ZP4: variants seen among roughly 807,000 people sequenced by gnomAD.
The protein encoded by ZP4 is zona pellucida sperm-binding protein 4.
ZP4 carries 62 observed loss-of-function variants against 62.3 expected under a neutral mutation model. That is an observed-to-expected ratio of 0.99 (90% CI 0.81 to 1.23). The LOEUF is 1.23. Among genes scored for constraint, ZP4 ranks in the 50% most tolerant of loss-of-function variants. The probability of loss-of-function intolerance (pLI) is 0.00; values close to 1 mark genes in which losing one functional copy is unlikely to be tolerated. For synonymous variants in ZP4, 289 were observed against 247.3 expected (o/e 1.17, Z -1.58); for missense variants, 774 against 656.0 (o/e 1.18, Z -1.97).
intron 10 of ZP4, among the ~76,000 whole-genome samples, chr1:237,883,619 TGGGAGAGAGG>T (rs1307076784): frequency 4.1e-5 from 3 of 72,560 alleles, no homozygotes; most frequent in South Asian, 6.8e-4. Flanking sequence ...GAGGCTGAGG[TGGGAGAGAGG>T]GGGAGGGGGA....
intron 10 of ZP4, among the ~76,000 whole-genome samples, chr1:237,883,643 CGGGGG>C (rs1664973191): frequency 3.0e-4 from 2 of 6,720 alleles, no homozygotes; most frequent in East Asian, 8.8e-3. Flanking sequence ...AGGGGGAGGG[CGGGGG>C]AGGGCGGGGG....
At chr1:237,883,983 A>AAAC (rs1665013667) in intron 10 of ZP4, among the ~76,000 whole-genome samples, 20 of 42,412 alleles carry the variant, frequency 4.7e-4, no homozygotes, top group African/African-American at 1.7e-3. Flanking sequence ...CACACACACA[A>AAAC]ACACACACAC....
At chr1:237,886,727 C>CCCA in intron 6 of ZP4, 44 bp downstream of exon 6, 2 of 1,544,324 alleles carry the variant, frequency 1.3e-6, no homozygotes, top group South Asian at 2.3e-5. Context: ...CCTGAGAATG[C>CCCA]CCACCTTATG....
At chr1:237,890,339 T>C (rs1009246165) in intron 1 of ZP4, 122 bp downstream of exon 1, 12 of 1,476,496 alleles carry the variant, frequency 8.1e-6, no homozygotes, top group African/African-American at 2.8e-5. Context: ...CTATTTCTTT[T>C]GCAGAAAGAT....
In ZP4 at chr1:237,888,349, C is replaced by G. The variant is rs1665155996; in HGVS notation, c.553+9G>C. ...TCAGCTGGTTTCAGAGGTGTGCTCA[C>G]TTACTCACCAGTGTTTCCATAGTAG... On this transcript the variant is annotated intron_variant, in intron 4 of 11. Coordinates refer to ENST00000366570, the MANE Select transcript of ZP4 (RefSeq NM_021186.5). 1 of 1,567,868 alleles carries G rather than the reference C, an allele frequency of 6.4e-7. No homozygotes were observed. The highest frequency in any genetic ancestry group is 8.7e-7 in the Non-Finnish European group (1 of 1,148,034).
intron 1 of ZP4, 31 bp from the exon 2 acceptor site, chr1:237,890,207 C>T (rs1311944116): frequency 1.2e-5 from 20 of 1,612,794 alleles, no homozygotes; most frequent in Admixed American, 1.7e-5. Flanking sequence ...TGAGAAAACA[C>T]AGCGGTCAGT....
intron 3 of ZP4, among the ~76,000 whole-genome samples, chr1:237,888,783 C>CT (rs1414871630): frequency 6.6e-6 from 1 of 152,198 alleles, no homozygotes; most frequent in Non-Finnish European, 1.5e-5. Flanking sequence ...TGGGGGGTTT[C>CT]TTACTCCTTC....
At chr1:237,888,562 G>C in intron 3 of ZP4, 52 bp from the exon 4 acceptor site, 1 of 1,526,290 alleles carries the variant, frequency 6.6e-7, no homozygotes, top group South Asian at 1.3e-5. Context: ...AGTTAGTCTT[G>C]AATACCATTT....
At chr1:237,884,033 A>ACAC (rs1665031634) in intron 10 of ZP4, among the ~76,000 whole-genome samples, 7 of 80,576 alleles carry the variant, frequency 8.7e-5, no homozygotes, top group African/African-American at 3.9e-4. Context: ...CACACACACA[A>ACAC]ACACACACAA....
intron 10 of ZP4, among the ~76,000 whole-genome samples, chr1:237,884,012 ACACAAACACAC>A (rs1558530998): frequency 3.3e-3 from 264 of 79,428 alleles, no homozygotes; most frequent in South Asian, 7.7e-3. Context: ...ACACACACAC[ACACAAACACAC>A]ACACACACAA....
At chr1:237,887,662 GC>G in intron 4 of ZP4, 101 bp from the exon 5 acceptor site, 1 of 1,274,872 alleles carries the variant, frequency 7.8e-7, no homozygotes, top group Non-Finnish European at 1.1e-6. Context: ...CCACTGAGAA[GC>G]TGGTGACAAC....
chr1:237,889,793 CAG>C lies in ZP4; in HGVS notation c.400+72_400+73del, dbSNP rs1016456463. 1.9e-5 allele frequency: 25 copies of C among 1,326,038 alleles called. No individual in the cohort carries two copies. In the Admixed American group the frequency reaches 3.2e-4, roughly 17 times the overall value. 82.1% of individuals were successfully genotyped at this position (1,326,038 alleles called of 1,614,324 possible). A position where few individuals can be genotyped will look rare whatever the true frequency, so the allele number is the denominator to read the frequency against. On this transcript the variant is annotated intron_variant, in intron 3 of 11. Transcript: ENST00000366570. ...TCAGGTGTCACTGCACAGAGCAGGT[CAG>C]AGAGGACCAAGAGTACTTTCACACC...
intron 6 of ZP4, among the ~76,000 whole-genome samples, 166 bp downstream of exon 6, chr1:237,886,605 C>T (rs1254556381): frequency 1.3e-5 from 2 of 152,150 alleles, no homozygotes; most frequent in African/African-American, 2.4e-5. Context: ...GGGTTGGAGA[C>T]AGCAACACAG....
rs1665080395 is a variant in ZP4, at chr1:237,885,544, T to TA, written c.1006dup (p.Tyr336LeufsTer39). 6.2e-7 allele frequency: 1 copy of TA among 1,613,966 alleles called. No individual in the cohort carries two copies. Among genetic ancestry groups the TA allele is most frequent in the African/African-American group, 1.3e-5 (1 of 74,906 alleles). On this transcript the variant is annotated frameshift_variant, in exon 8 of 12. Coordinates refer to ENST00000366570, the MANE Select transcript of ZP4 (RefSeq NM_021186.5). LOFTEE classifies it high-confidence loss of function. The stretch of plus-strand genomic sequence containing the variant: ...ATCCCGAAGCAACTTCACCACTGGG[T>TA]AGTCACCAACACCGTAGTAAGAGCC...
Position 237,888,526 on chromosome 1 carries a change from G to T in ZP4, c.401-16C>A. On this transcript the variant is annotated splice_polypyrimidine_tract_variant and intron_variant, in intron 3 of 11. Transcript: ENST00000366570. ...GCATCTCGGGCTAGGTTTTGAAAAAGAGTAAGTCAGGTTAGATAATGGAAA... is the reference window on the plus strand; with the variant it reads ...GCATCTCGGGCTAGGTTTTGAAAAATAGTAAGTCAGGTTAGATAATGGAAA... The T allele has an allele frequency of 1.9e-6, 3 of 1,581,072 alleles. No individual in the cohort carries two copies. The highest frequency in any genetic ancestry group is 1.1e-5 in the South Asian group (1 of 87,780).
rs567264391 is a variant in ZP4, at chr1:237,883,793, A to G, written c.1391-947T>C. Among the ~76,000 whole-genome samples, 196 of 133,924 alleles carry G rather than the reference A, an allele frequency of 1.5e-3. 1 individual carries two copies. The highest frequency in any genetic ancestry group is 2.8e-3 in the African/African-American group (91 of 32,064). The allele number at this position is 133,924 out of a possible 152,430, so 87.9% of individuals were successfully genotyped here. ...AGAGGAAGAGAGAGGAAGAGAGAGG[A>G]AGAGAGAGGAAGAGAGGGAGAAAGG... On this transcript the variant is annotated intron_variant, in intron 10 of 11. Coordinates refer to ENST00000366570, the MANE Select transcript of ZP4 (RefSeq NM_021186.5).
intron 10 of ZP4, among the ~76,000 whole-genome samples, chr1:237,883,643 C>A (rs1226384376): frequency 0.011 from 74 of 6,700 alleles, 1 homozygote; most frequent in Non-Finnish European, 0.011. Context: ...AGGGGGAGGG[C>A]GGGGGAGGGC....
Position 237,890,716 on chromosome 1 carries a change from T to G in ZP4, c.-81A>C. 1 of 1,487,390 alleles carries G rather than the reference T, an allele frequency of 6.7e-7. No individual in the cohort carries two copies. The highest frequency in any genetic ancestry group is 9.0e-7 in the Non-Finnish European group (1 of 1,106,920). The allele number at this position is 1,487,390 out of a possible 1,614,324, so 92.1% of individuals were successfully genotyped here. A position where few individuals can be genotyped will look rare whatever the true frequency, so the allele number is the denominator to read the frequency against. On this transcript the variant is annotated 5_prime_UTR_variant, in exon 1 of 12. Transcript: ENST00000366570. ...CGAGGGTCTGCCTGCCCAGATTCCTTTATATACAGAAGTCAGGCTTGTTTT... is the reference window on the plus strand; with the variant it reads ...CGAGGGTCTGCCTGCCCAGATTCCTGTATATACAGAAGTCAGGCTTGTTTT...
intron 10 of ZP4, among the ~76,000 whole-genome samples, chr1:237,884,017 A>AACACACACAAACAC (rs1665027256): frequency 1.1e-5 from 1 of 87,946 alleles, no homozygotes; most frequent in African/African-American, 4.8e-5. Flanking sequence ...CACACACACA[A>AACACACACAAACAC]ACACACACAC....
Sources: allele counts gnomAD v4.1 joint callset (sites outside exome capture counted in the v4.1 genomes callset), GRCh38; gene constraint gnomAD v4.1.1; transcripts MANE v1.5; gene names NCBI Gene and HGNC (gene_info 2026-07-23, HGNC 2026-07-21).